Variants in CCDC178 observed in about 807,000 individuals in gnomAD.
CCDC178 encodes coiled-coil domain-containing protein 178.
CCDC178 carries 126 observed loss-of-function variants against 117.4 expected under a neutral mutation model. The ratio of observed to expected loss-of-function variants is 1.07; its 90% CI spans 0.93 to 1.24. CCDC178 has a LOEUF of 1.24. Ranked by LOEUF, CCDC178 falls within the 50% of genes most tolerant of loss-of-function variation. CCDC178 has a pLI of 0.00. For synonymous variants in CCDC178, 283 were observed against 313.4 expected (o/e 0.90, Z 1.02); for missense variants, 1,030 against 986.9 (o/e 1.04, Z -0.59).
In CCDC178 at chr18:32,974,588, T is replaced by G. The variant is rs1454194634; in HGVS notation, c.2482A>C (p.Thr828Pro). The change falls in exon 22 of 23, where the codon ACA (threonine) becomes CCA (proline). Residue 828 changes from threonine (T) to proline (P), a missense_variant. Physicochemically the swap from Thr to Pro is conservative, Grantham distance 38. Transcript: ENST00000383096. The stretch of plus-strand genomic sequence containing the variant: ...TTCTGAATACTCTCCTGAGAGTCTG[T>G]CTGGAAGTTGGCCAGCCTCATCTGG... ...FSQMRLANFQ[T>P]DSQESIQKIL... 3.1e-6 allele frequency: 5 copies of G among 1,613,618 alleles called. No homozygotes were observed. Among genetic ancestry groups the G allele is most frequent in the Non-Finnish European group, 2.5e-6 (3 of 1,179,690 alleles).
chr18:32,987,641 G>A (rs954790649), intron 21 of CCDC178, among the ~76,000 whole-genome samples: 2 of 151,998 alleles, frequency 1.3e-5, no homozygotes, highest in African/African-American at 4.8e-5. Context: ...AACATAAACT[G>A]TATAAAATCT....
At chr18:32,958,725 G>A (rs2054643680) in intron 22 of CCDC178, among the ~76,000 whole-genome samples, 2 of 152,146 alleles carry the variant, frequency 1.3e-5, no homozygotes, top group Admixed American at 6.5e-5. Flanking sequence ...AATGTCCTTT[G>A]AGCTTTCCTG....
chr18:33,229,287 G>GTGTATAT (rs2059344295), intron 15 of CCDC178, among the ~76,000 whole-genome samples: 1 of 152,084 alleles, frequency 6.6e-6, no homozygotes, highest in Admixed American at 6.6e-5. Flanking sequence ...ATTTTTATTG[G>GTGTATAT]TCATTAAATG....
At position 33,245,424 on chromosome 18, in the gene CCDC178, G is replaced by A. The variant is rs146565345; in HGVS notation, c.1414C>T (p.Arg472Trp). 8.1e-4 allele frequency: 1,250 copies of A among 1,539,678 alleles called. 1 individual carries two copies. The highest frequency in any genetic ancestry group is 2.4e-3 in the African/African-American group (173 of 71,962). The change falls in exon 15 of 23, where the codon CGG becomes TGG. Residue 472 changes from arginine (R) to tryptophan (W), a missense_variant. Coordinates refer to ENST00000383096, the MANE Select transcript of CCDC178 (RefSeq NM_001105528.4). ...KITVKTNESIRKKSKYESEIK... is the reference protein window; with the variant it reads ...KITVKTNESIWKKSKYESEIK... ...TCAGATTCGTATTTTGATTTTTTCCGTATGCTGTAAAAGTAAAGCAAAAAT... is the reference window on the plus strand; with the variant it reads ...TCAGATTCGTATTTTGATTTTTTCCATATGCTGTAAAAGTAAAGCAAAAAT...
intron 14 of CCDC178, among the ~76,000 whole-genome samples, chr18:33,262,535 G>A (rs1452721803): frequency 6.6e-6 from 1 of 152,090 alleles, no homozygotes; most frequent in African/African-American, 2.4e-5. Context: ...GTCCTCAACT[G>A]AGTCAAAATG....
intron 9 of CCDC178, among the ~76,000 whole-genome samples, chr18:33,343,315 T>C (rs1314966242): frequency 6.6e-6 from 1 of 152,238 alleles, no homozygotes; most frequent in African/African-American, 2.4e-5. Flanking sequence ...AAAACTGCTA[T>C]GCATATCCAA....
At chr18:33,076,145 C>A (rs936164830) in intron 21 of CCDC178, among the ~76,000 whole-genome samples, 2 of 152,048 alleles carry the variant, frequency 1.3e-5, no homozygotes, top group African/African-American at 4.8e-5. Flanking sequence ...GAGAAAAGCC[C>A]TAAGACCACC....
At chr18:33,424,172 T>C (rs889484063) in intron 2 of CCDC178, among the ~76,000 whole-genome samples, 17 of 152,148 alleles carry the variant, frequency 1.1e-4, no homozygotes, top group Non-Finnish European at 2.1e-4. Context: ...CTTTTACTGG[T>C]CTTTATCTAT....
At chr18:33,343,775 A>C (rs1444356620) in intron 9 of CCDC178, among the ~76,000 whole-genome samples, 1 of 152,190 alleles carries the variant, frequency 6.6e-6, no homozygotes, top group Non-Finnish European at 1.5e-5. Context: ...AAAGTATCTA[A>C]ATTTATAACA....
At chr18:33,339,372 G>A (rs1449443968) in intron 9 of CCDC178, among the ~76,000 whole-genome samples, 2 of 151,296 alleles carry the variant, frequency 1.3e-5, no homozygotes, top group East Asian at 3.9e-4. Flanking sequence ...AAAGACACAA[G>A]GCACAAATTA....
chr18:33,073,551 C>A (rs28403231), intron 21 of CCDC178, among the ~76,000 whole-genome samples: 7,266 of 107,000 alleles, frequency 0.068, 294 homozygotes, highest in East Asian at 0.2. Flanking sequence ...ATCTATCTAT[C>A]TATATATATA....
chr18:33,308,363 C>T (rs750916285), intron 11 of CCDC178, among the ~76,000 whole-genome samples: 8 of 151,994 alleles, frequency 5.3e-5, no homozygotes, highest in Non-Finnish European at 1.2e-4. Flanking sequence ...TTTTTTTGGC[C>T]AATTACTCCC....
At chr18:33,033,705 T>C (rs912162646) in intron 21 of CCDC178, among the ~76,000 whole-genome samples, 2 of 152,020 alleles carry the variant, frequency 1.3e-5, no homozygotes, top group African/African-American at 4.8e-5. Context: ...GTGGGCTGCA[T>C]TTTTCATCTT....
At chr18:33,240,623 G>A (rs1186560715) in intron 15 of CCDC178, among the ~76,000 whole-genome samples, 1 of 151,724 alleles carries the variant, frequency 6.6e-6, no homozygotes, top group African/African-American at 2.4e-5. Flanking sequence ...TAGAGGAAAT[G>A]GATACATACA....
chr18:33,041,736 A>G (rs181845669), intron 21 of CCDC178, among the ~76,000 whole-genome samples: 2 of 151,882 alleles, frequency 1.3e-5, no homozygotes, highest in African/African-American at 2.4e-5. Context: ...TTATAAAATC[A>G]AGATAAGAAA....
At chr18:33,022,008 C>T (rs990059590) in intron 21 of CCDC178, among the ~76,000 whole-genome samples, 1 of 152,002 alleles carries the variant, frequency 6.6e-6, no homozygotes, top group Admixed American at 6.6e-5. Flanking sequence ...AAAATTGCAA[C>T]ATAGAAAATT....
intron 21 of CCDC178, among the ~76,000 whole-genome samples, chr18:32,977,860 G>A (rs1598748114): frequency 6.6e-6 from 1 of 152,028 alleles, no homozygotes; most frequent in Non-Finnish European, 1.5e-5. Context: ...GTTTGCCAAA[G>A]AAAATAATAA....
chr18:33,222,532 T>C (rs1220918005), intron 18 of CCDC178, among the ~76,000 whole-genome samples: 1 of 152,014 alleles, frequency 6.6e-6, no homozygotes, highest in Non-Finnish European at 1.5e-5. Context: ...TTCATACTCA[T>C]GTGGTAGAAG....
intron 9 of CCDC178, among the ~76,000 whole-genome samples, chr18:33,339,658 C>T (rs1271917867): frequency 1.3e-5 from 2 of 151,902 alleles, no homozygotes; most frequent in Non-Finnish European, 2.9e-5. Context: ...GGGGAGGTAA[C>T]TGAATCGGCA....
Sources: allele counts gnomAD v4.1 joint callset (sites outside exome capture counted in the v4.1 genomes callset), GRCh38; gene constraint gnomAD v4.1.1; transcripts MANE v1.5; gene names NCBI Gene and HGNC (gene_info 2026-07-23, HGNC 2026-07-21).